ZFP64: variants seen among roughly 807,000 people sequenced by gnomAD.
ZFP64 encodes the protein zinc finger protein 64.
Under a neutral mutation model 51.6 loss-of-function variants are expected in ZFP64, and 14 were observed. The observed-to-expected ratio is 0.27, with a 90% CI of 0.18 to 0.42. ZFP64 has a LOEUF of 0.42. Among genes scored for constraint, ZFP64 ranks in the 10% least tolerant of loss-of-function variants. The pLI is 1.00. For missense variants in ZFP64, 754 were observed against 906.8 expected, an observed-to-expected ratio of 0.83 and a Z score of 2.16; for synonymous variants, 375 against 361.4, an observed-to-expected ratio of 1.04 and a Z score of -0.43.
At chr20:52,104,494 T>C (rs1401076267) in intron 5 of ZFP64, among the ~76,000 whole-genome samples, 2 of 152,122 alleles carry the variant, frequency 1.3e-5, no homozygotes, top group Non-Finnish European at 2.9e-5. Flanking sequence ...TCAGATAAAA[T>C]GCAGAGCTCT....
At chr20:52,125,939 T>A (rs531596936) in intron 5 of ZFP64, among the ~76,000 whole-genome samples, 12 of 152,176 alleles carry the variant, frequency 7.9e-5, no homozygotes, top group Admixed American at 7.9e-4. Flanking sequence ...TGGAGTGCAG[T>A]AGTGCCATCT....
In ZFP64 at chr20:52,088,955, T is replaced by C. The variant is rs745929831; in HGVS notation, c.977-312A>G. ...GGATAAGAAGTGGCAGCTGTAGGGATCTTGGGCAGCTTCATGAACCACATG... is the reference window on the plus strand; with the variant it reads ...GGATAAGAAGTGGCAGCTGTAGGGACCTTGGGCAGCTTCATGAACCACATG... On this transcript the variant is annotated intron_variant, in intron 7 of 8. Coordinates refer to the ZFP64 transcript ENST00000361387. The C allele has an allele frequency of 5.4e-6, 3 of 557,524 alleles. No individual in the cohort carries two copies. The East Asian group carries it at 1.4e-4, about 26-fold the overall frequency. 34.5% of individuals were successfully genotyped at this position (557,524 alleles called of 1,614,324 possible).
intron 5 of ZFP64, among the ~76,000 whole-genome samples, chr20:52,142,566 G>A (rs921533047): frequency 6.6e-6 from 1 of 152,056 alleles, no homozygotes; most frequent in Non-Finnish European, 1.5e-5. Context: ...AAGAGGCCAA[G>A]TGCGGTGGCG....
chr20:52,107,955 G>C (rs1335266369), intron 5 of ZFP64, among the ~76,000 whole-genome samples: 1 of 152,252 alleles, frequency 6.6e-6, no homozygotes, highest in Non-Finnish European at 1.5e-5. Context: ...GTCAGTCTCA[G>C]TGGCTCATGC....
At chr20:52,137,365 T>TA (rs1403899995) in intron 5 of ZFP64, among the ~76,000 whole-genome samples, 1 of 152,090 alleles carries the variant, frequency 6.6e-6, no homozygotes, top group African/African-American at 2.4e-5. Flanking sequence ...CTAGGGCATC[T>TA]AAGAAGTGGA....
intron 5 of ZFP64, among the ~76,000 whole-genome samples, chr20:52,135,845 T>C (rs935213261): frequency 6.6e-6 from 1 of 151,676 alleles, no homozygotes; most frequent in Non-Finnish European, 1.5e-5. Flanking sequence ...ACGCCTGTAA[T>C]GCCAGCACTT....
chr20:52,165,770 C>T (rs1982211326), intron 3 of ZFP64, 94 bp downstream of exon 3: 1 of 1,533,474 alleles, frequency 6.5e-7, no homozygotes. Context: ...TGGAACACAT[C>T]CATGAGCAGT....
At chr20:52,112,306 G>A (rs546321097) in intron 5 of ZFP64, among the ~76,000 whole-genome samples, 57 of 152,234 alleles carry the variant, frequency 3.7e-4, no homozygotes, top group African/African-American at 1.3e-3. Flanking sequence ...AGTTATTTAT[G>A]ATAATGGAGT....
chr20:52,159,579 G>A (rs764278168), intron 5 of ZFP64, among the ~76,000 whole-genome samples: 3 of 152,208 alleles, frequency 2.0e-5, no homozygotes, highest in African/African-American at 7.2e-5. Context: ...GGCCAGGCAC[G>A]GTGGCTCACG....
chr20:52,187,579 A>C (rs528512665), intron 1 of ZFP64, among the ~76,000 whole-genome samples: 13 of 152,164 alleles, frequency 8.5e-5, no homozygotes, highest in African/African-American at 3.1e-4. Context: ...CTGAGATCAC[A>C]CCATTGCACT....
At chr20:52,107,094 C>CAAACA (rs547569086) in intron 5 of ZFP64, among the ~76,000 whole-genome samples, 1,725 of 129,774 alleles carry the variant, frequency 0.013, 28 homozygotes, top group African/African-American at 0.047. Context: ...CTCAAACAAA[C>CAAACA]AAAAAATATA....
rs1984031851 is a variant in ZFP64 at position 52,187,179 on chromosome 20, G to A, written c.47-108C>T. On this transcript the variant is annotated intron_variant, in intron 1 of 5. Transcript: ENST00000216923. ...AAGGCATGGTGGCAGACATGGCTGGGTAGTGGCCCAGTATCCACTCCACCT... is the reference window on the plus strand; with the variant it reads ...AAGGCATGGTGGCAGACATGGCTGGATAGTGGCCCAGTATCCACTCCACCT... 2.4e-6 allele frequency: 3 copies of A among 1,251,922 alleles called. No individual in the cohort carries two copies. In the South Asian group the frequency reaches 4.3e-5, roughly 18 times the overall value. The allele number at this position is 1,251,922 out of a possible 1,614,324, so 77.6% of individuals were successfully genotyped here. A position where few individuals can be genotyped will look rare whatever the true frequency, so the allele number is the denominator to read the frequency against.
chr20:52,097,364 G>T (rs371421486), intron 7 of ZFP64: 21 of 1,612,276 alleles, frequency 1.3e-5, no homozygotes, highest in Non-Finnish European at 1.8e-5. Flanking sequence ...GAACAGAATG[G>T]ATACCTACCC....
chr20:52,179,859 A>G (rs548144699), intron 2 of ZFP64, among the ~76,000 whole-genome samples: 1 of 152,346 alleles, frequency 6.6e-6, no homozygotes, highest in African/African-American at 2.4e-5. Context: ...GGCTAATTCT[A>G]TGATTTGTTA....
At chr20:52,190,771 T>A in intron 1 of ZFP64, among the ~76,000 whole-genome samples, 1 of 152,186 alleles carries the variant, frequency 6.6e-6, no homozygotes, top group East Asian at 1.9e-4. Flanking sequence ...GCTAACAAGC[T>A]GGGAGCTTAC....
intron 5 of ZFP64, among the ~76,000 whole-genome samples, chr20:52,140,975 G>T (rs6021727): frequency 0.36 from 55,141 of 151,958 alleles, 10,760 homozygotes; most frequent in Non-Finnish European, 0.42. Context: ...TTAAGAATGA[G>T]GCTAAATCTA....
At chr20:52,099,889 T>C (rs1488266609) in intron 5 of ZFP64, among the ~76,000 whole-genome samples, 1 of 152,260 alleles carries the variant, frequency 6.6e-6, no homozygotes, top group Admixed American at 6.5e-5. Context: ...TTCAATCTAA[T>C]ATGTAGGTTT....
At chr20:52,111,329 GCCTC>G (rs1163924070) in intron 5 of ZFP64, among the ~76,000 whole-genome samples, 1 of 149,628 alleles carries the variant, frequency 6.7e-6, no homozygotes, top group Non-Finnish European at 1.5e-5. Flanking sequence ...TGATTCTCCT[GCCTC>G]AGCCTCCCAA....
chr20:52,089,740 CAA>C (rs35524410), intron 7 of ZFP64, among the ~76,000 whole-genome samples: 6,165 of 131,288 alleles, frequency 0.047, 405 homozygotes, highest in African/African-American at 0.16. Flanking sequence ...GACACTGTCT[CAA>C]AAAAAAAAAA....
Sources: allele counts gnomAD v4.1 joint callset (sites outside exome capture counted in the v4.1 genomes callset), GRCh38; gene constraint gnomAD v4.1.1; transcripts MANE v1.5; gene names NCBI Gene and HGNC (gene_info 2026-07-23, HGNC 2026-07-21).